ANO1: variants seen among roughly 807,000 people sequenced by gnomAD.
ANO1 encodes anoctamin-1.
In ANO1, 59 loss-of-function variants were observed where a neutral mutation model predicts 124.0. The ratio of observed to expected loss-of-function variants is 0.48; its 90% CI spans 0.39 to 0.59. The LOEUF is 0.59. Ranked by LOEUF, ANO1 falls within the 20% of genes least tolerant of loss-of-function variation. The pLI, the probability that ANO1 is intolerant of heterozygous loss-of-function variation, is 0.00. For missense variants in ANO1, 1,059 were observed against 1,328.0 expected, an observed-to-expected ratio of 0.80 and a Z score of 3.15; for synonymous variants, 529 against 532.0, an observed-to-expected ratio of 0.99 and a Z score of 0.08.
At position 70,131,932 on chromosome 11, in the gene ANO1, G is replaced by A. The variant is rs537899906; in HGVS notation, c.1111G>A (p.Asp371Asn). The A allele has an allele frequency of 1.2e-6, 2 of 1,607,076 alleles. No homozygotes were observed. The highest frequency in any genetic ancestry group is 8.5e-7 in the Non-Finnish European group (1 of 1,179,576). Residue 371 changes from aspartate (D) to asparagine (N), a missense_variant, in exon 11 of 26, where the codon GAC becomes AAC. Around this residue, in one of 2 missense-constraint regions of ANO1, gnomAD observed 809 missense variants for 1,094.9 expected, o/e 0.74. Transcript: ENST00000355303. Reference protein sequence around the residue: ...DENIPSMEMCDQRHNITMCPL... With the variant: ...DENIPSMEMCNQRHNITMCPL... ...CCTCTCTTGCAGCATGGAGATGTGT[G>A]ACCAGAGACACAATATCACCATGTG... is the stretch of plus-strand genomic sequence containing the variant.
At chr11:70,099,449 CAG>C (rs1467391125) in intron 2 of ANO1, among the ~76,000 whole-genome samples, 1 of 152,178 alleles carries the variant, frequency 6.6e-6, no homozygotes, top group Non-Finnish European at 1.5e-5. Context: ...CTCATGGACT[CAG>C]AGGAATATAT....
intron 1 of ANO1, among the ~76,000 whole-genome samples, chr11:70,061,648 T>G (rs552309650): frequency 6.6e-6 from 1 of 152,184 alleles, no homozygotes; most frequent in Non-Finnish European, 1.5e-5. Context: ...TGAGTTTCTC[T>G]GTTTGTTTTT....
chr11:70,085,364 G>C lies in ANO1; in HGVS notation c.109-2388G>C, dbSNP rs532039721. On this transcript the variant is annotated intron_variant, in intron 1 of 25. Coordinates refer to ENST00000355303, the MANE Select transcript of ANO1 (RefSeq NM_018043.7). ...CACCCACCCACATGGGCGTGGTCGT[G>C]GCCCCTAAGCACCCTCAGACTTTGT... 1.1e-5 allele frequency: 16 copies of C among 1,450,824 alleles called. No homozygotes were observed. The African/African-American group carries it at 2.3e-4, about 20-fold the overall frequency. 89.9% of individuals were successfully genotyped at this position (1,450,824 alleles called of 1,614,324 possible). A position where few individuals can be genotyped will look rare whatever the true frequency, so the allele number is the denominator to read the frequency against.
chr11:70,012,106 A>T lies in ANO1; in HGVS notation c.58+25940A>T, dbSNP rs143086891. 2.1e-4 allele frequency among the ~76,000 whole-genome samples: 32 copies of T among 149,256 alleles called. No homozygotes were observed. In the East Asian group the frequency reaches 5.6e-3, roughly 26 times the overall value. On this transcript the variant is annotated intron_variant, in intron 1 of 27. Transcript: ENST00000531349. ...TCTGTCTATTCATGCAGACATCCAC[A>T]TATCCATTTGTCCATCTATTCACTC...
chr11:70,011,578 A>G (rs1555001129), intron 1 of ANO1, among the ~76,000 whole-genome samples: 1 of 152,184 alleles, frequency 6.6e-6, no homozygotes, highest in Admixed American at 6.5e-5. Flanking sequence ...CAACTTCTAT[A>G]TAGCTGGAAG....
intron 1 of ANO1, among the ~76,000 whole-genome samples, chr11:70,083,187 A>G (rs1009585193): frequency 2.0e-5 from 3 of 152,158 alleles, no homozygotes; most frequent in Admixed American, 1.3e-4. Context: ...TCAGTTCCCA[A>G]TTAGAGCAAA....
chr11:70,095,381 AG>A lies in ANO1; in HGVS notation c.441+7298del, dbSNP rs2044872748. Among the ~76,000 whole-genome samples, 10 of 35,120 alleles carry A rather than the reference AG, an allele frequency of 2.8e-4. 1 individual carries two copies. In the South Asian group the frequency reaches 0.011, roughly 38 times the overall value. The allele number at this position is 35,120 out of a possible 152,430, so 23.0% of individuals were successfully genotyped here. Reference sequence around the variant, plus strand: ...AAGAAAGAAAGAAAGAAAGAAAGAAAGAAAGAAAGAAAGAAAGAAAGAAAGA... The same window carrying A: ...AAGAAAGAAAGAAAGAAAGAAAGAAAAAAGAAAGAAAGAAAGAAAGAAAGA... On this transcript the variant is annotated intron_variant, in intron 2 of 25. Transcript: ENST00000355303.
At chr11:70,047,719 AT>A (rs1555005836) in intron 1 of ANO1, among the ~76,000 whole-genome samples, 2 of 152,228 alleles carry the variant, frequency 1.3e-5, no homozygotes, top group Admixed American at 1.3e-4. Flanking sequence ...TAATAAAATC[AT>A]TTTTTAAAGA....
chr11:69,970,946 C>G, the ANO1 span, among the ~76,000 whole-genome samples: 4 of 152,346 alleles, frequency 2.6e-5, no homozygotes, highest in African/African-American at 7.2e-5. Flanking sequence ...GAGGCACTCT[C>G]CCTTCTTGGA....
chr11:70,051,855 C>A lies in ANO1; in HGVS notation c.59-26687C>A, dbSNP rs549186632. Among the ~76,000 whole-genome samples the A allele has an allele frequency of 4.6e-5, 7 of 152,318 alleles. No individual in the cohort carries two copies. The South Asian group carries it at 1.5e-3, about 32-fold the overall frequency. On this transcript the variant is annotated intron_variant, in intron 1 of 27. Transcript: ENST00000531349. ...CCACTCTGTCTTCCCTTTTCACTTA[C>A]TTAATGTTGTCTTTTGATCAACAGA... is the stretch of plus-strand genomic sequence containing the variant.
chr11:70,136,103 T>C lies in ANO1; in HGVS notation c.1258+4024T>C, dbSNP rs562892669. ...GCAGATTGGTCAACACCCTGGTTGT[T>C]TGGGGAGAAACCCTCAAGGGTCTGG... On this transcript the variant is annotated intron_variant, in intron 11 of 25. Coordinates refer to ENST00000355303, the MANE Select transcript of ANO1 (RefSeq NM_018043.7). 5.9e-5 allele frequency among the ~76,000 whole-genome samples: 9 copies of C among 152,308 alleles called. No homozygotes were observed. In the South Asian group the frequency reaches 1.5e-3, roughly 25 times the overall value.
rs370784796 is a variant in ANO1, at chr11:70,087,708, C to T, written c.109-44C>T. The T allele has an allele frequency of 1.4e-4, 206 of 1,509,144 alleles. 1 individual carries two copies. The African/African-American group carries it at 1.8e-3, about 13-fold the overall frequency. 93.5% of individuals were successfully genotyped at this position (1,509,144 alleles called of 1,614,324 possible). On this transcript the variant is annotated intron_variant, in intron 1 of 25. Transcript: ENST00000355303. Reference sequence around the variant, plus strand: ...CAGCGCACCCTCCAAAGGCCCATCACGAGCAGCTCGATGGTGAATGGGTGT... The same window carrying T: ...CAGCGCACCCTCCAAAGGCCCATCATGAGCAGCTCGATGGTGAATGGGTGT...
At chr11:70,141,359 C>A (rs918971277) in intron 11 of ANO1, among the ~76,000 whole-genome samples, 1 of 152,190 alleles carries the variant, frequency 6.6e-6, no homozygotes, top group Admixed American at 6.5e-5. Flanking sequence ...TACATTCCCC[C>A]GACTCTGGGA....
chr11:70,185,474 G>T, intron 24 of ANO1, 116 bp from the exon 25 acceptor site: 1 of 873,048 alleles, frequency 1.1e-6, no homozygotes. Context: ...TGCCCTCCCG[G>T]AGGCAGCCGC....
intron 13 of ANO1, 51 bp downstream of exon 13, chr11:70,152,512 G>A (rs895312527): frequency 1.9e-6 from 3 of 1,588,004 alleles, no homozygotes; most frequent in Admixed American, 3.4e-5. Context: ...ATCTCCCTGG[G>A]AGAGGGACCT....
chr11:69,972,378 G>A, the ANO1 span, among the ~76,000 whole-genome samples: 21 of 152,016 alleles, frequency 1.4e-4, no homozygotes, highest in Non-Finnish European at 2.9e-4. Flanking sequence ...AGTCCTGAAA[G>A]TCAGGAGTGC....
At chr11:70,016,404 A>G (rs10899178) in intron 1 of ANO1, 68,524 of 152,058 alleles carry the variant, frequency 0.45, 15,523 homozygotes, top group East Asian at 0.5. Flanking sequence ...GAAAACCAGC[A>G]ATCGGATATG....
intron 1 of ANO1, among the ~76,000 whole-genome samples, chr11:69,995,093 G>GTTTTTTTTTT (rs1278482378): frequency 9.2e-5 from 2 of 21,646 alleles, no homozygotes; most frequent in African/African-American, 1.8e-4. Context: ...TGCTGGCACT[G>GTTTTTTTTTT]TTTTTTTTTT....
At chr11:70,052,435 GACACACAC>G (rs1211232840) in intron 1 of ANO1, among the ~76,000 whole-genome samples, 4 of 147,482 alleles carry the variant, frequency 2.7e-5, no homozygotes, top group African/African-American at 1.0e-4. Context: ...CTCTTACACA[GACACACAC>G]ACATACACAC....
Sources: allele counts gnomAD v4.1 joint callset (sites outside exome capture counted in the v4.1 genomes callset), GRCh38; gene constraint gnomAD v4.1.1; regional missense constraint gnomAD v4.1.1; transcripts MANE v1.5; gene names NCBI Gene and HGNC (gene_info 2026-07-23, HGNC 2026-07-21).